Variants in CSPP1 observed in about 807,000 individuals in gnomAD.
CSPP1 encodes centrosome and spindle pole associated protein 1, also known as centrosome and spindle pole-associated protein 1.
CSPP1 carries 126 observed loss-of-function variants against 164.4 expected under a neutral mutation model. The observed-to-expected ratio is 0.77, with a 90% CI of 0.66 to 0.89. The LOEUF (loss-of-function observed/expected upper bound fraction) is 0.89. Among genes scored for constraint, CSPP1 ranks in the 40% least tolerant of loss-of-function variants. The pLI, the probability that CSPP1 is intolerant of heterozygous loss-of-function variation, is 0.00. For synonymous variants in CSPP1, 472 were observed against 476.7 expected (o/e 0.99, Z 0.13); for missense variants, 1,395 against 1,449.8 (o/e 0.96, Z 0.61).
At position 67,162,831 on chromosome 8, in the gene CSPP1, G is replaced by A. The variant is rs1828630157; in HGVS notation, c.2644-901G>A. ...TTTGTTGAGTGTGTGGTGGGTAGGA[G>A]TCTATGATAACTTTCAAGTTTTTGG... On this transcript the variant is annotated intron_variant, in intron 22 of 30. Coordinates refer to ENST00000678616, the MANE Select transcript of CSPP1 (RefSeq NM_001382391.1). Among the ~76,000 whole-genome samples, 3 of 152,184 alleles carry A rather than the reference G, an allele frequency of 2.0e-5. No homozygotes were observed. The South Asian group carries it at 6.2e-4, about 32-fold the overall frequency.
At chr8:67,079,032 C>T (rs1410114734) in intron 3 of CSPP1, among the ~76,000 whole-genome samples, 1 of 152,102 alleles carries the variant, frequency 6.6e-6, no homozygotes, top group Non-Finnish European at 1.5e-5. Flanking sequence ...TCATTACATT[C>T]ACATATTATG....
chr8:67,195,763 A>ATGAT lies in CSPP1; in HGVS notation c.*172_*175dup, dbSNP rs1157847756. The ATGAT allele has an allele frequency of 6.7e-6, 4 of 597,720 alleles. No individual in the cohort carries two copies. The highest frequency in any genetic ancestry group is 1.2e-5 in the Non-Finnish European group (4 of 332,972). The allele number at this position is 597,720 out of a possible 1,614,324, so 37.0% of individuals were successfully genotyped here. Reference sequence around the variant, plus strand: ...ATATTATGTACATAAATAAAAGGCCATGATTATTGATTTATATAATAGAAT... The same window carrying ATGAT: ...ATATTATGTACATAAATAAAAGGCCATGATTGATTATTGATTTATATAATAGAAT... On this transcript the variant is annotated 3_prime_UTR_variant, in exon 31 of 31. Transcript: ENST00000678616.
At chr8:67,187,134 T>G (rs1834893813) in intron 28 of CSPP1, among the ~76,000 whole-genome samples, 1 of 152,142 alleles carries the variant, frequency 6.6e-6, no homozygotes, top group African/African-American at 2.4e-5. Context: ...TGTCAAGATG[T>G]CAGGTCTTCT....
At chr8:67,067,137 C>T (rs1207004754) in intron 1 of CSPP1, among the ~76,000 whole-genome samples, 1 of 152,134 alleles carries the variant, frequency 6.6e-6, no homozygotes, top group Non-Finnish European at 1.5e-5. Context: ...TCTCATGCTC[C>T]CATAGTGGGG....
intron 16 of CSPP1, among the ~76,000 whole-genome samples, chr8:67,132,947 A>G (rs928868945): frequency 3.9e-5 from 6 of 152,336 alleles, no homozygotes; most frequent in Admixed American, 1.3e-4. Context: ...ATTTCTTTTA[A>G]AAGTACTTTT....
chr8:67,128,723 G>T (rs539274542), intron 15 of CSPP1, among the ~76,000 whole-genome samples: 13 of 152,204 alleles, frequency 8.5e-5, no homozygotes, highest in East Asian at 5.8e-4. Context: ...CAGACACAAG[G>T]ATCCTAAAAC....
intron 1 of CSPP1, among the ~76,000 whole-genome samples, chr8:67,067,665 G>A (rs921638534): frequency 2.0e-5 from 3 of 151,746 alleles, no homozygotes; most frequent in Non-Finnish European, 2.9e-5. Flanking sequence ...GGGTTTCACC[G>A]TGTTAGCCAG....
At chr8:67,072,110 G>A (rs1260466995) in intron 1 of CSPP1, among the ~76,000 whole-genome samples, 3 of 151,852 alleles carry the variant, frequency 2.0e-5, no homozygotes, top group South Asian at 2.1e-4. Context: ...TGGCTAACAC[G>A]GTGAAATCCC....
chr8:67,195,300 A>AGTT lies in CSPP1; in HGVS notation c.3470-80_3470-78dup, dbSNP rs1210975223. On this transcript the variant is annotated intron_variant, in intron 30 of 30. Transcript: ENST00000678616. ...TGTGGGGAAATGCTGAGTTGTAATG[A>AGTT]GTTGGACTACAAGAGACCTGCGCTT... 81 of 846,204 alleles carry AGTT rather than the reference A, an allele frequency of 9.6e-5. No individual in the cohort carries two copies. The East Asian group carries it at 1.7e-3, about 18-fold the overall frequency. The allele number at this position is 846,204 out of a possible 1,614,324, so 52.4% of individuals were successfully genotyped here. A position where few individuals can be genotyped will look rare whatever the true frequency, so the allele number is the denominator to read the frequency against.
Position 67,113,834 on chromosome 8 carries a change from C to A in CSPP1, c.1217C>A (p.Ala406Glu). ...REKDLELRVA[A>E]SGAQDPEKSW... ...AAAGATTTAGAACTCAGGGTTGCAG[C>A]GTCTGGAGCACAAGACCCTGAGAAA... is the stretch of plus-strand genomic sequence containing the variant. The change falls in exon 11 of 31, where the codon GCG (alanine) becomes GAG (glutamate). Residue 406 changes from alanine (A) to glutamate (E), a missense_variant. Ala to Glu is a moderately radical substitution (Grantham distance 107). Transcript: ENST00000678616. 6.3e-7 allele frequency: 1 copy of A among 1,589,976 alleles called. No homozygotes were observed. Among genetic ancestry groups the A allele is most frequent in the South Asian group, 1.1e-5 (1 of 88,562 alleles).
chr8:67,152,013 G>A (rs1347341915), intron 18 of CSPP1, among the ~76,000 whole-genome samples: 2 of 150,906 alleles, frequency 1.3e-5, no homozygotes, highest in Admixed American at 6.6e-5. Flanking sequence ...GCTTGAACCC[G>A]GGAATAGGAG....
intron 24 of CSPP1, 83 bp downstream of exon 24, chr8:67,164,591 C>T (rs994503835): frequency 1.3e-5 from 9 of 681,112 alleles, no homozygotes; most frequent in Non-Finnish European, 2.4e-5. Flanking sequence ...AGTTTGGGAA[C>T]AGGACTAATT....
intron 24 of CSPP1, among the ~76,000 whole-genome samples, chr8:67,170,725 C>A (rs1376125069): frequency 6.6e-6 from 1 of 152,084 alleles, no homozygotes; most frequent in African/African-American, 2.4e-5. Context: ...ATTTCAATAA[C>A]GTTATAAATA....
Position 67,163,792 on chromosome 8 carries a change from G to A in CSPP1, c.2704G>A (p.Ala902Thr), listed in dbSNP as rs745560149. ...ACCTGCCAGGAAAAATCAGCTCCGT[G>A]CAGAAGGTAGAGTTAACTACTAAAC... is the stretch of plus-strand genomic sequence containing the variant. ...PVPARKNQLR[A>T]EEEKKNVIME... Residue 902 changes from alanine (A) to threonine (T), a missense_variant, in exon 23 of 31, where the codon GCA becomes ACA. Physicochemically the swap from Ala to Thr is moderately conservative, Grantham distance 58. Coordinates refer to ENST00000678616, the MANE Select transcript of CSPP1 (RefSeq NM_001382391.1). 9.3e-6 allele frequency: 15 copies of A among 1,611,916 alleles called. No homozygotes were observed. Among genetic ancestry groups the A allele is most frequent in the Non-Finnish European group, 1.1e-5 (13 of 1,178,190 alleles).
At chr8:67,165,178 G>A (rs997403036) in intron 24 of CSPP1, among the ~76,000 whole-genome samples, 12 of 152,264 alleles carry the variant, frequency 7.9e-5, no homozygotes, top group Admixed American at 5.9e-4. Context: ...CAGCTACTCA[G>A]GAGGCTGAGG....
chr8:67,157,863 T>C (rs1428617965), intron 19 of CSPP1: 1 of 152,164 alleles, frequency 6.6e-6, no homozygotes, highest in Non-Finnish European at 1.5e-5. Context: ...TAATTGTGAG[T>C]CCTTGTGACC....
chr8:67,154,029 A>T lies in CSPP1; in HGVS notation c.2134A>T (p.Met712Leu). 2 of 1,565,702 alleles carry T rather than the reference A, an allele frequency of 1.3e-6. No individual in the cohort carries two copies. Among genetic ancestry groups the T allele is most frequent in the South Asian group, 1.1e-5 (1 of 89,264 alleles). The change falls in exon 19 of 31, where the codon ATG becomes TTG. Residue 712 changes from methionine to leucine, a missense_variant. By Grantham distance (15) the Met-to-Leu change is conservative. Transcript: ENST00000678616. ...TGCAAAATATTTCTTTCAAGGTCATATGCAAACACAGAGCTCTCCTTTTGC... is the reference window on the plus strand; with the variant it reads ...TGCAAAATATTTCTTTCAAGGTCATTTGCAAACACAGAGCTCTCCTTTTGC... ...EDAANKSSGH[M>L]QTQSSPFARG...
intron 4 of CSPP1, among the ~76,000 whole-genome samples, chr8:67,087,634 T>C (rs1055231695): frequency 5.3e-5 from 8 of 152,218 alleles, no homozygotes; most frequent in African/African-American, 1.4e-4. Flanking sequence ...GGGTAGACTT[T>C]AGCTTTGTAT....
chr8:67,077,248 G>C (rs1418370415), intron 3 of CSPP1, among the ~76,000 whole-genome samples: 1 of 152,010 alleles, frequency 6.6e-6, no homozygotes, highest in African/African-American at 2.4e-5. Flanking sequence ...TGAACTCCTG[G>C]GTTCAAGCAA....
Sources: gnomAD v4.1 joint callset for allele counts (sites outside exome capture counted in the v4.1 genomes callset) on GRCh38, gnomAD v4.1.1 for gene constraint, MANE v1.5 for transcripts, NCBI Gene and HGNC (gene_info 2026-07-23, HGNC 2026-07-21) for gene names.